The following EPHA3 variants were observed in gnomAD, a reference collection of about 807,000 sequenced individuals.
EPHA3 encodes the protein EPH receptor A3, also known as ephrin type-A receptor 3.
A neutral mutation model predicts 107.1 loss-of-function variants in EPHA3; 42 were observed. That is an observed-to-expected ratio of 0.39 (90% CI 0.31 to 0.51). EPHA3 has a LOEUF of 0.51. Among genes scored for constraint, EPHA3 ranks in the 20% least tolerant of loss-of-function variants. The probability of loss-of-function intolerance (pLI) is 0.78; values close to 1 mark genes in which losing one functional copy is unlikely to be tolerated. For missense variants in EPHA3, 1,183 were observed against 1,211.2 expected, an observed-to-expected ratio of 0.98 and a Z score of 0.35; for synonymous variants, 461 against 424.8, an observed-to-expected ratio of 1.09 and a Z score of -1.05.
chr3:89,316,404 T>C (rs1325758993), intron 3 of EPHA3, among the ~76,000 whole-genome samples: 3 of 150,880 alleles, frequency 2.0e-5, no homozygotes, highest in Non-Finnish European at 4.4e-5. Flanking sequence ...CTATCAGATA[T>C]GACGTTTCAC....
chr3:89,315,078 T>A (rs1449602357), intron 3 of EPHA3, among the ~76,000 whole-genome samples: 1 of 151,804 alleles, frequency 6.6e-6, no homozygotes, highest in Non-Finnish European at 1.5e-5. Flanking sequence ...AAAGGTATAG[T>A]AAAAATATGG....
rs1559711617 is a variant in EPHA3 at position 89,479,442 on chromosome 3, G to A, written c.2892G>A (p.Lys964=). The change falls in exon 17 of 17, where the codon AAG becomes AAA. Residue 964 remains lysine, a synonymous_variant. Coordinates refer to ENST00000336596, the MANE Select transcript of EPHA3 (RefSeq NM_005233.6). The part of the protein sequence containing the change: ...VGVTVVGPQK[K]IISSIKALET... ...TCACCGTGGTTGGGCCACAGAAGAAGATCATCAGTAGCATTAAAGCTCTAG... is the reference window on the plus strand; with the variant it reads ...TCACCGTGGTTGGGCCACAGAAGAAAATCATCAGTAGCATTAAAGCTCTAG... 1.1e-5 allele frequency: 17 copies of A among 1,614,184 alleles called. No homozygotes were observed. Among genetic ancestry groups the A allele is most frequent in the East Asian group, 2.2e-5 (1 of 44,874 alleles).
intron 3 of EPHA3, among the ~76,000 whole-genome samples, chr3:89,303,029 A>T (rs1310064752): frequency 6.6e-6 from 1 of 151,938 alleles, no homozygotes; most frequent in Non-Finnish European, 1.5e-5. Flanking sequence ...GGTACCTGGG[A>T]TTACTGGTAT....
intron 3 of EPHA3, among the ~76,000 whole-genome samples, chr3:89,275,725 G>A (rs758753404): frequency 6.6e-6 from 1 of 152,004 alleles, no homozygotes; most frequent in Admixed American, 6.6e-5. Flanking sequence ...TGCATTTTAT[G>A]TGCAGCTTTC....
chr3:89,130,765 G>T (rs1321758621), intron 2 of EPHA3, among the ~76,000 whole-genome samples: 2 of 152,002 alleles, frequency 1.3e-5, no homozygotes, highest in African/African-American at 2.4e-5. Flanking sequence ...CTCCCGAGTA[G>T]TTGGGACTAC....
At chr3:89,367,645 T>G (rs1307916065) in intron 5 of EPHA3, among the ~76,000 whole-genome samples, 1 of 150,874 alleles carries the variant, frequency 6.6e-6, no homozygotes, top group Non-Finnish European at 1.5e-5. Flanking sequence ...CACACAAATT[T>G]CCAATCATAA....
chr3:89,272,322 C>A (rs1021566587), intron 3 of EPHA3, among the ~76,000 whole-genome samples: 4 of 151,284 alleles, frequency 2.6e-5, no homozygotes, highest in African/African-American at 9.7e-5. Context: ...AAAATAAATT[C>A]TATTCTTTTT....
intron 5 of EPHA3, among the ~76,000 whole-genome samples, chr3:89,360,618 G>C (rs1405595473): frequency 6.6e-6 from 1 of 150,784 alleles, no homozygotes; most frequent in Non-Finnish European, 1.5e-5. Context: ...AAGATCCATT[G>C]CTACCACCCT....
intron 2 of EPHA3, among the ~76,000 whole-genome samples, chr3:89,177,282 T>G (rs1202910642): frequency 1.3e-5 from 2 of 152,150 alleles, no homozygotes; most frequent in African/African-American, 4.8e-5. Flanking sequence ...AAAAGGACAC[T>G]TGTCTGGGTG....
chr3:89,174,509 GTACA>G (rs1466809221), intron 2 of EPHA3, among the ~76,000 whole-genome samples: 1 of 151,930 alleles, frequency 6.6e-6, no homozygotes, highest in East Asian at 1.9e-4. Context: ...TTTACATAAT[GTACA>G]TATCACTTCA....
At chr3:89,297,869 T>G (rs1706396520) in intron 3 of EPHA3, among the ~76,000 whole-genome samples, 1 of 152,046 alleles carries the variant, frequency 6.6e-6, no homozygotes, top group Non-Finnish European at 1.5e-5. Flanking sequence ...ACCCCGTCTC[T>G]ACTAAAAATA....
At chr3:89,366,172 A>G (rs1708180785) in intron 5 of EPHA3, among the ~76,000 whole-genome samples, 1 of 149,938 alleles carries the variant, frequency 6.7e-6, no homozygotes. Context: ...TGGGAAAAAA[A>G]CAGAACCAAT....
intron 3 of EPHA3, among the ~76,000 whole-genome samples, chr3:89,329,138 A>C (rs1196560185): frequency 1.3e-5 from 2 of 152,144 alleles, no homozygotes. Context: ...GGGTTAATGG[A>C]ATATGTAATT....
chr3:89,359,832 T>TATATATATATATATACATATATATAC lies in EPHA3; in HGVS notation c.1306+17743_1306+17744insTATATATATATATACATATATATACA, dbSNP rs747927767. Among the ~76,000 whole-genome samples, 21 of 128,120 alleles carry TATATATATATATATACATATATATAC rather than the reference T, an allele frequency of 1.6e-4. 1 individual carries two copies. The highest frequency in any genetic ancestry group is 1.4e-3 in the Admixed American group (17 of 11,990). 84.1% of individuals were successfully genotyped at this position (128,120 alleles called of 152,430 possible). ...ATATACATATATATACATATATATA[T>TATATATATATATATACATATATATAC]ACATATATATATATGCATATCTTTG... is the stretch of plus-strand genomic sequence containing the variant. On this transcript the variant is annotated intron_variant, in intron 5 of 16. Coordinates refer to ENST00000336596, the MANE Select transcript of EPHA3 (RefSeq NM_005233.6).
At chr3:89,278,897 T>C (rs1239326524) in intron 3 of EPHA3, among the ~76,000 whole-genome samples, 1 of 152,184 alleles carries the variant, frequency 6.6e-6, no homozygotes, top group Non-Finnish European at 1.5e-5. Context: ...AAGGTGCTGT[T>C]GAGCTCATAT....
At chr3:89,338,613 A>C (rs1707445893) in intron 3 of EPHA3, among the ~76,000 whole-genome samples, 1 of 152,178 alleles carries the variant, frequency 6.6e-6, no homozygotes, top group Non-Finnish European at 1.5e-5. Context: ...CAGTGGCGCT[A>C]TCTGGGCTCA....
At chr3:89,117,889 C>T (rs1707293127) in intron 1 of EPHA3, among the ~76,000 whole-genome samples, 3 of 152,078 alleles carry the variant, frequency 2.0e-5, no homozygotes, top group African/African-American at 7.2e-5. Context: ...TTGAATAAGT[C>T]ACAGCTGATC....
chr3:89,229,419 T>G (rs1298061064), intron 3 of EPHA3, among the ~76,000 whole-genome samples: 2 of 151,748 alleles, frequency 1.3e-5, no homozygotes, highest in East Asian at 3.9e-4. Flanking sequence ...AACTAGAAAA[T>G]GAATTGATTT....
At chr3:89,183,305 TCA>T (rs1705486773) in intron 2 of EPHA3, among the ~76,000 whole-genome samples, 1 of 151,972 alleles carries the variant, frequency 6.6e-6, no homozygotes. Flanking sequence ...TCCCACTGTC[TCA>T]CATGCTTCAT....
Sources: gnomAD v4.1 joint callset for allele counts (sites outside exome capture counted in the v4.1 genomes callset) on GRCh38, gnomAD v4.1.1 for gene constraint, MANE v1.5 for transcripts, NCBI Gene and HGNC (gene_info 2026-07-23, HGNC 2026-07-21) for gene names.